Variants in FLT1 observed in about 807,000 individuals in gnomAD.
FLT1 encodes the protein fms related receptor tyrosine kinase 1, also known as vascular endothelial growth factor receptor 1.
In FLT1, 49 loss-of-function variants were observed where a neutral mutation model predicts 156.3. The observed-to-expected ratio is 0.31, with a 90% CI of 0.25 to 0.40. The LOEUF is 0.40. FLT1 is among the 10% of genes least tolerant of loss of function. The pLI, the probability that FLT1 is intolerant of heterozygous loss-of-function variation, is 1.00. For synonymous variants in FLT1, 594 were observed against 583.8 expected, an observed-to-expected ratio of 1.02 and a Z score of -0.25; for missense variants, 1,322 against 1,637.2, an observed-to-expected ratio of 0.81 and a Z score of 3.32.
At position 28,321,670 on chromosome 13, in the gene FLT1, T is replaced by C. The variant is rs531001396; in HGVS notation, c.3052-85A>G. 2.4e-5 allele frequency: 34 copies of C among 1,410,318 alleles called. No individual in the cohort carries two copies. The South Asian group carries it at 3.5e-4, about 14-fold the overall frequency. The allele number at this position is 1,410,318 out of a possible 1,614,324, so 87.4% of individuals were successfully genotyped here. Reference sequence around the variant, plus strand: ...CACCTGTCAGTGTCATTATCTTAATTTGGGAATCCATTTCACATGCTGTGA... The same window carrying C: ...CACCTGTCAGTGTCATTATCTTAATCTGGGAATCCATTTCACATGCTGTGA... On this transcript the variant is annotated intron_variant, in intron 22 of 29. Coordinates refer to ENST00000282397, the MANE Select transcript of FLT1 (RefSeq NM_002019.4).
At chr13:28,351,828 T>A (rs1461431110) in intron 15 of FLT1, among the ~76,000 whole-genome samples, 1 of 152,230 alleles carries the variant, frequency 6.6e-6, no homozygotes, top group African/African-American at 2.4e-5. Context: ...AGGAAAAGTA[T>A]AATACAGAAA....
chr13:28,371,318 A>G (rs1873556289), intron 14 of FLT1, among the ~76,000 whole-genome samples: 1 of 152,204 alleles, frequency 6.6e-6, no homozygotes, highest in Non-Finnish European at 1.5e-5. Context: ...AACGTGCAAA[A>G]ATATTAAATG....
At chr13:28,317,408 A>T in intron 25 of FLT1, 90 bp downstream of exon 25, 1 of 857,742 alleles carries the variant, frequency 1.2e-6, no homozygotes, top group Non-Finnish European at 2.0e-6. Context: ...CAAGACTGGG[A>T]CTCTAAGAAT....
intron 14 of FLT1, among the ~76,000 whole-genome samples, chr13:28,380,153 G>C (rs78255418): frequency 0.036 from 5,549 of 152,224 alleles, 291 homozygotes; most frequent in Admixed American, 0.15. Flanking sequence ...CTGGCTAAAG[G>C]CTGAGTATAT....
chr13:28,344,144 G>A (rs1872467527), intron 16 of FLT1, among the ~76,000 whole-genome samples: 1 of 151,988 alleles, frequency 6.6e-6, no homozygotes, highest in Non-Finnish European at 1.5e-5. Context: ...GCTTCCCATT[G>A]CTTTTAGAAT....
At chr13:28,309,446 T>C (rs903457306) in intron 27 of FLT1, among the ~76,000 whole-genome samples, 1 of 152,206 alleles carries the variant, frequency 6.6e-6, no homozygotes, top group African/African-American at 2.4e-5. Flanking sequence ...GATGTCTCTA[T>C]AACTACCTAC....
chr13:28,301,330 C>G lies in FLT1; in HGVS notation c.*1837G>C, dbSNP rs1870508415. 4.3e-6 allele frequency: 1 copy of G among 233,194 alleles called. No homozygotes were observed. The allele number at this position is 233,194 out of a possible 1,614,324, so 14.4% of individuals were successfully genotyped here. A position where few individuals can be genotyped will look rare whatever the true frequency, so the allele number is the denominator to read the frequency against. ...ATTTGTCCTCTCTTCTGGCTCTAGC[C>G]TGCTTTTGTTTGGATTTAGATCTTG... On this transcript the variant is annotated 3_prime_UTR_variant, in exon 30 of 30. Transcript: ENST00000282397.
In FLT1 at chr13:28,487,252, C is replaced by CT. The variant is rs138541173; in HGVS notation, c.64+7527dup. Reference sequence around the variant, plus strand: ...AGAGCCCAGGCTGGGGACCACGGCCCTAGAGAGAGGCAAAGGCTTTCATAG... The same window carrying CT: ...AGAGCCCAGGCTGGGGACCACGGCCCTTAGAGAGAGGCAAAGGCTTTCATAG... On this transcript the variant is annotated intron_variant, in intron 1 of 29. Coordinates refer to ENST00000282397, the MANE Select transcript of FLT1 (RefSeq NM_002019.4). Among the ~76,000 whole-genome samples the CT allele has an allele frequency of 5.3e-3, 802 of 152,350 alleles. 9 individuals are homozygous for CT. Among genetic ancestry groups the CT allele is most frequent in the African/African-American group, 0.019 (770 of 41,588 alleles).
rs187970128 is a variant in FLT1 at position 28,337,794 on chromosome 13, A to G, written c.2488+1374T>C. Among the ~76,000 whole-genome samples the G allele has an allele frequency of 2.6e-5, 4 of 152,358 alleles. No homozygotes were observed. In the East Asian group the frequency reaches 7.7e-4, roughly 29 times the overall value. ...AATGATACTAGGAAGGAATGAAGCG[A>G]TGGGACAGAAAGCTCATGTGTCCTA... On this transcript the variant is annotated intron_variant, in intron 17 of 29. Coordinates refer to ENST00000282397, the MANE Select transcript of FLT1 (RefSeq NM_002019.4).
intron 1 of FLT1, among the ~76,000 whole-genome samples, chr13:28,493,927 C>A (rs1881600254): frequency 6.6e-6 from 1 of 152,238 alleles, no homozygotes; most frequent in African/African-American, 2.4e-5. Context: ...TCTCTTCGCT[C>A]GGATTTTAAA....
At chr13:28,345,700 T>A (rs1036355316) in intron 15 of FLT1, 149 bp from the exon 16 acceptor site, 2 of 672,386 alleles carry the variant, frequency 3.0e-6, no homozygotes, top group Admixed American at 2.1e-5. Flanking sequence ...CTGGGACAGA[T>A]CTCTTACCTT....
At chr13:28,459,752 C>A (rs1008436684) in intron 3 of FLT1, among the ~76,000 whole-genome samples, 3 of 152,168 alleles carry the variant, frequency 2.0e-5, no homozygotes, top group Non-Finnish European at 4.4e-5. Flanking sequence ...TGAATAGAAA[C>A]AATATTTTCT....
At chr13:28,388,852 A>T in intron 13 of FLT1, 1 of 1,062,876 alleles carries the variant, frequency 9.4e-7, no homozygotes, top group East Asian at 5.1e-5. Flanking sequence ...TAAAATAATA[A>T]CCAGAGGACA....
chr13:28,394,469 C>G (rs1458189356), intron 12 of FLT1, among the ~76,000 whole-genome samples: 1 of 152,114 alleles, frequency 6.6e-6, no homozygotes, highest in Non-Finnish European at 1.5e-5. Flanking sequence ...CAGGAGATCA[C>G]CTTTATCAAC....
intron 10 of FLT1, among the ~76,000 whole-genome samples, chr13:28,420,676 A>T (rs1328348376): frequency 6.6e-6 from 1 of 152,220 alleles, no homozygotes; most frequent in African/African-American, 2.4e-5. Flanking sequence ...GGGACATAAA[A>T]CTGTTACAGC....
chr13:28,461,348 C>A (rs904771158), intron 3 of FLT1, among the ~76,000 whole-genome samples: 3 of 152,106 alleles, frequency 2.0e-5, no homozygotes, highest in African/African-American at 7.2e-5. Flanking sequence ...ATGTCAAGAG[C>A]TGCAACTCCA....
intron 3 of FLT1, among the ~76,000 whole-genome samples, chr13:28,461,033 G>A (rs1168717810): frequency 2.0e-5 from 3 of 151,946 alleles, no homozygotes; most frequent in Non-Finnish European, 4.4e-5. Flanking sequence ...CTATTCACAG[G>A]TGCAATCACA....
At chr13:28,404,987 T>A (rs1439839659) in intron 11 of FLT1, among the ~76,000 whole-genome samples, 35 of 142,480 alleles carry the variant, frequency 2.5e-4, no homozygotes, top group Non-Finnish European at 4.2e-4. Context: ...GCCATCGCAC[T>A]CCAGCCTGGG....
intron 10 of FLT1, among the ~76,000 whole-genome samples, chr13:28,412,389 T>TTCTTTCTTTCCTTCC (rs1876334175): frequency 7.2e-6 from 1 of 139,122 alleles, no homozygotes; most frequent in African/African-American, 2.7e-5. Context: ...TCTTTCTTTC[T>TTCTTTCTTTCCTTCC]TTCTTTCTTT....
Sources: gnomAD v4.1 joint callset for allele counts (sites outside exome capture counted in the v4.1 genomes callset) on GRCh38, gnomAD v4.1.1 for gene constraint, MANE v1.5 for transcripts, NCBI Gene and HGNC (gene_info 2026-07-23, HGNC 2026-07-21) for gene names.